PTK6: variants seen among roughly 807,000 people sequenced by gnomAD.
PTK6 encodes the protein protein-tyrosine kinase 6.
Under a neutral mutation model 47.5 loss-of-function variants are expected in PTK6, and 47 were observed. That is an observed-to-expected ratio of 0.99 (90% CI 0.78 to 1.26). The LOEUF (loss-of-function observed/expected upper bound fraction) is 1.26. PTK6 is among the 50% of genes most tolerant of loss of function. The pLI, the probability that PTK6 is intolerant of heterozygous loss-of-function variation, is 0.00. For synonymous variants in PTK6, 287 were observed against 276.5 expected (o/e 1.04, Z -0.38); for missense variants, 618 against 625.3 (o/e 0.99, Z 0.12).
At chr20:63,534,374 C>T in intron 2 of PTK6, 59 bp from the exon 3 acceptor site, 1 of 1,507,040 alleles carries the variant, frequency 6.6e-7, no homozygotes, top group Non-Finnish European at 8.9e-7. Context: ...CCTGCGTCCC[C>T]AGCCCTGCTG....
chr20:63,531,431 AAAAAAAATAT>A (rs1242264424), intron 5 of PTK6, among the ~76,000 whole-genome samples: 2 of 116,608 alleles, frequency 1.7e-5, no homozygotes, highest in African/African-American at 9.3e-5. Context: ...AAAAAAAAAA[AAAAAAAATAT>A]ATATATATAT....
At position 63,530,010 on chromosome 20, in the gene PTK6, C is replaced by A. The variant is rs769910440; in HGVS notation, c.1168+68G>T. The A allele has an allele frequency of 6.4e-7, 1 of 1,573,856 alleles. No homozygotes were observed. The highest frequency in any genetic ancestry group is 1.7e-5 in the Admixed American group (1 of 58,894). Reference sequence around the variant, plus strand: ...CGTGGGGGAGGCACCCCCCAGCGTCCCTGCCGGCTACCCAGGACCTCCCCC... The same window carrying A: ...CGTGGGGGAGGCACCCCCCAGCGTCACTGCCGGCTACCCAGGACCTCCCCC... On this transcript the variant is annotated intron_variant, in intron 7 of 7. Coordinates refer to ENST00000542869, the MANE Select transcript of PTK6 (RefSeq NM_005975.4). This position sits in a 1 kb window ranked among gnomAD's most constrained non-coding sequence, Gnocchi z 4.1.
In PTK6 at chr20:63,529,950, A is replaced by G. The variant is rs754835064; in HGVS notation, c.1168+128T>C. The G allele has an allele frequency of 6.6e-5, 81 of 1,233,352 alleles. No homozygotes were observed. The highest frequency in any genetic ancestry group is 4.6e-5 in the Non-Finnish European group (41 of 896,146). The allele number at this position is 1,233,352 out of a possible 1,614,324, so 76.4% of individuals were successfully genotyped here. On this transcript the variant is annotated intron_variant, in intron 7 of 7. Coordinates refer to ENST00000542869, the MANE Select transcript of PTK6 (RefSeq NM_005975.4). The surrounding 1 kb of genome is among the most constrained non-coding windows in gnomAD (Gnocchi z 5.6). ...TGCTCAGAGAATGGTGCAGGTGTGGAGTTCAGGCGATGGCCCGCGGAGGGC... is the reference window on the plus strand; with the variant it reads ...TGCTCAGAGAATGGTGCAGGTGTGGGGTTCAGGCGATGGCCCGCGGAGGGC...
chr20:63,536,319 G>A (rs903198861), intron 1 of PTK6, among the ~76,000 whole-genome samples: 5 of 145,710 alleles, frequency 3.4e-5, no homozygotes, highest in African/African-American at 7.7e-5. Context: ...GGGTCTGCGC[G>A]TGACCCTGCT....
intron 2 of PTK6, 122 bp downstream of exon 2, chr20:63,534,815 TC>T: frequency 7.3e-7 from 1 of 1,364,428 alleles, no homozygotes; most frequent in Non-Finnish European, 9.6e-7. Context: ...GGATGGGAGC[TC>T]CCTGGAGAGG....
chr20:63,535,771 C>A (rs1328096730), intron 1 of PTK6, among the ~76,000 whole-genome samples: 1 of 115,774 alleles, frequency 8.6e-6, no homozygotes, highest in South Asian at 3.4e-4. Context: ...CCCGCCCCCC[C>A]CCTCACCTGG....
chr20:63,536,486 C>G (rs310645), intron 1 of PTK6, among the ~76,000 whole-genome samples: 1 of 150,386 alleles, frequency 6.6e-6, no homozygotes, highest in Non-Finnish European at 1.5e-5. Context: ...TGCCCAATCA[C>G]TGATGAGAAA....
chr20:63,532,405 G>T, intron 5 of PTK6, 121 bp downstream of exon 5: 1 of 1,254,650 alleles, frequency 8.0e-7, no homozygotes, highest in African/African-American at 1.6e-5. Flanking sequence ...GTGTGCATGT[G>T]TGTGTCTGTG....
Position 63,529,802 on chromosome 20 carries a change from C to G in PTK6, c.1169-79G>C. On this transcript the variant is annotated intron_variant, in intron 7 of 7. Coordinates refer to ENST00000542869, the MANE Select transcript of PTK6 (RefSeq NM_005975.4). The surrounding 1 kb of genome is among the most constrained non-coding windows in gnomAD (Gnocchi z 5.6). The stretch of plus-strand genomic sequence containing the variant: ...AGAAGCCACACCAGCCATCCACTGC[C>G]CCTTCCTGGGGCCTTCCCCGCAGCC... 7.1e-7 allele frequency: 1 copy of G among 1,418,080 alleles called. No homozygotes were observed. 87.8% of individuals were successfully genotyped at this position (1,418,080 alleles called of 1,614,324 possible).
Position 63,530,003 on chromosome 20 carries a change from C to A in PTK6, c.1168+75G>T. On this transcript the variant is annotated intron_variant, in intron 7 of 7. Coordinates refer to ENST00000542869, the MANE Select transcript of PTK6 (RefSeq NM_005975.4). This position sits in a 1 kb window ranked among gnomAD's most constrained non-coding sequence, Gnocchi z 4.1. ...TGAAGCCCGTGGGGGAGGCACCCCC[C>A]AGCGTCCCTGCCGGCTACCCAGGAC... The A allele has an allele frequency of 6.5e-7, 1 of 1,549,844 alleles. No individual in the cohort carries two copies. The highest frequency in any genetic ancestry group is 2.3e-5 in the East Asian group (1 of 43,742).
At chr20:63,531,745 GT>G (rs2082623215) in intron 5 of PTK6, among the ~76,000 whole-genome samples, 2 of 152,228 alleles carry the variant, frequency 1.3e-5, no homozygotes, top group African/African-American at 4.8e-5. Context: ...ACTGCGTGAT[GT>G]AGGCAGTGGG....
chr20:63,530,270 C>A lies in PTK6; in HGVS notation c.1015-39G>T. 1 of 1,606,272 alleles carries A rather than the reference C, an allele frequency of 6.2e-7. No homozygotes were observed. Among genetic ancestry groups the A allele is most frequent in the Admixed American group, 1.7e-5 (1 of 59,820 alleles). Reference sequence around the variant, plus strand: ...GGAGCTGAGTGGGCCGTGGGGGCTGCCTGTGCCCTGCCCCCGAAGCATGGA... The same window carrying A: ...GGAGCTGAGTGGGCCGTGGGGGCTGACTGTGCCCTGCCCCCGAAGCATGGA... On this transcript the variant is annotated intron_variant, in intron 6 of 7. Transcript: ENST00000542869. This position sits in a 1 kb window ranked among gnomAD's most constrained non-coding sequence, Gnocchi z 4.1.
chr20:63,532,500 C>T, intron 5 of PTK6, 26 bp downstream of exon 5: 1 of 1,586,462 alleles, frequency 6.3e-7, no homozygotes, highest in Non-Finnish European at 8.6e-7. Flanking sequence ...CTGCCTCCAG[C>T]AAGAGCCCCG....
At chr20:63,532,450 TGGGG>T (rs11086169) in intron 5 of PTK6, 72 bp downstream of exon 5, 5 of 1,316,560 alleles carry the variant, frequency 3.8e-6, no homozygotes, top group African/African-American at 1.4e-5. Context: ...TGTGTAGACG[TGGGG>T]GGGGGGTGTG....
chr20:63,532,382 T>C, intron 5 of PTK6, 144 bp downstream of exon 5: 1 of 1,059,986 alleles, frequency 9.4e-7, no homozygotes, highest in Non-Finnish European at 1.3e-6. Context: ...TGTGTGTCTG[T>C]GTCTGTGTCT....
rs901265715 is a variant in PTK6 at position 63,529,946 on chromosome 20, G to A, written c.1168+132C>T. 14 of 1,216,718 alleles carry A rather than the reference G, an allele frequency of 1.2e-5. No homozygotes were observed. In the African/African-American group the frequency reaches 1.6e-4, roughly 13 times the overall value. 75.4% of individuals were successfully genotyped at this position (1,216,718 alleles called of 1,614,324 possible). On this transcript the variant is annotated intron_variant, in intron 7 of 7. Transcript: ENST00000542869. The surrounding 1 kb of genome is among the most constrained non-coding windows in gnomAD (Gnocchi z 5.6). ...TGGGTGCTCAGAGAATGGTGCAGGT[G>A]TGGAGTTCAGGCGATGGCCCGCGGA...
Position 63,534,183 on chromosome 20 carries a change from T to A in PTK6, c.485A>T (p.His162Leu), listed in dbSNP as rs1268522173. The A allele has an allele frequency of 1.9e-6, 3 of 1,566,898 alleles. No homozygotes were observed. Among genetic ancestry groups the A allele is most frequent in the Middle Eastern group, 1.8e-4 (1 of 5,490 alleles). ...VNYHRAQSLS[H>L]GLRLAAPCRK... ...GCAGGGCGCGGCCAGCCGCAGGCCG[T>A]GGGACAGGCTCTGGGCCCTGTGGTA... The change falls in exon 3 of 8, where the codon CAC (histidine) becomes CTC (leucine). Residue 162 changes from histidine to leucine, a missense_variant. His to Leu is a moderately conservative substitution (Grantham distance 99). Coordinates refer to ENST00000542869, the MANE Select transcript of PTK6 (RefSeq NM_005975.4).
rs776760715 is a variant in PTK6, at chr20:63,536,904, G to A, written c.230+181C>T. ...GGGACAGTCCTGGGCACTCCTGGGC[G>A]CCAGCGCATGGGGCCTGCAGGGAGG... On this transcript the variant is annotated intron_variant, in intron 1 of 7. Transcript: ENST00000542869. Among the ~76,000 whole-genome samples, 101 of 152,358 alleles carry A rather than the reference G, an allele frequency of 6.6e-4. 1 individual carries two copies. The highest frequency in any genetic ancestry group is 2.0e-3 in the African/African-American group (84 of 41,594).
In PTK6 at chr20:63,533,196, T is replaced by A. The variant is rs2082638945; in HGVS notation, c.670+355A>T. 6.6e-6 allele frequency among the ~76,000 whole-genome samples: 1 copy of A among 151,778 alleles called. No individual in the cohort carries two copies. The highest frequency in any genetic ancestry group is 2.4e-5 in the African/African-American group (1 of 41,256). On this transcript the variant is annotated intron_variant, in intron 4 of 7. Transcript: ENST00000542869. This position sits in a 1 kb window ranked among gnomAD's most constrained non-coding sequence, Gnocchi z 4.0. ...GATTCTCCTGCCTCAGCCTCCCGAG[T>A]AGCTGGGACTACAGGCACATGCCTC...
Sources: allele counts gnomAD v4.1 joint callset (sites outside exome capture counted in the v4.1 genomes callset), GRCh38; gene constraint gnomAD v4.1.1; non-coding constraint Gnocchi (gnomAD v3.1); transcripts MANE v1.5; gene names NCBI Gene and HGNC (gene_info 2026-07-23, HGNC 2026-07-21).